Variants in TOPAZ1 observed in about 807,000 individuals in gnomAD.
The protein encoded by TOPAZ1 is testis and ovary specific TOPAZ 1.
TOPAZ1 carries 66 observed loss-of-function variants against 172.2 expected under a neutral mutation model. That is an observed-to-expected ratio of 0.38 (90% CI 0.31 to 0.47). The LOEUF (loss-of-function observed/expected upper bound fraction) is 0.47. TOPAZ1 is among the 20% of genes least tolerant of loss of function. The pLI, the probability that TOPAZ1 is intolerant of heterozygous loss-of-function variation, is 0.99. For missense variants in TOPAZ1, 1,822 were observed against 1,972.4 expected (o/e 0.92, Z 1.44); for synonymous variants, 681 against 683.9 (o/e 1.00, Z 0.07).
chr3:44,243,570 A>G lies in TOPAZ1; in HGVS notation c.1064A>G (p.Lys355Arg). ...TEMNFSNEYNKSELMLQENQM... is the reference protein window; with the variant it reads ...TEMNFSNEYNRSELMLQENQM... ...ATGAACTTCTCTAATGAGTATAACA[A>G]GTCTGAGTTGATGTTGCAAGAAAAT... The change falls in exon 2 of 20, where the codon AAG becomes AGG. Residue 355 changes from lysine to arginine, a missense_variant. Lys to Arg is a conservative substitution (Grantham distance 26). Transcript: ENST00000309765. 1 of 1,551,228 alleles carries G rather than the reference A, an allele frequency of 6.4e-7. No individual in the cohort carries two copies. Among genetic ancestry groups the G allele is most frequent in the Non-Finnish European group, 8.7e-7 (1 of 1,146,972 alleles).
chr3:44,268,836 T>G (rs1246335044), intron 6 of TOPAZ1, among the ~76,000 whole-genome samples: 9 of 152,184 alleles, frequency 5.9e-5, no homozygotes, highest in Non-Finnish European at 1.3e-4. Context: ...GGGGACACAG[T>G]TCAGTCCATC....
intron 5 of TOPAZ1, among the ~76,000 whole-genome samples, chr3:44,264,382 T>C (rs1699806858): frequency 2.0e-5 from 3 of 152,280 alleles, no homozygotes; most frequent in African/African-American, 7.2e-5. Context: ...GCTTACACTG[T>C]ACTTTAGTCT....
At chr3:44,266,391 C>T (rs940010537) in intron 5 of TOPAZ1, among the ~76,000 whole-genome samples, 1 of 152,192 alleles carries the variant, frequency 6.6e-6, no homozygotes, top group Non-Finnish European at 1.5e-5. Context: ...CTATTTGGTA[C>T]AAGAAGCCTA....
intron 13 of TOPAZ1, among the ~76,000 whole-genome samples, chr3:44,304,850 T>C (rs1223824350): frequency 6.6e-6 from 1 of 152,194 alleles, no homozygotes; most frequent in Non-Finnish European, 1.5e-5. Flanking sequence ...CCATCTCCAC[T>C]GTCAGGTTCA....
In TOPAZ1 at chr3:44,242,061, G is replaced by T. The variant is rs771801860; in HGVS notation, c.8G>T (p.Arg3Leu). 38 of 1,544,390 alleles carry T rather than the reference G, an allele frequency of 2.5e-5. No homozygotes were observed. Among genetic ancestry groups the T allele is most frequent in the Non-Finnish European group, 2.6e-5 (30 of 1,146,216 alleles). MR[R>L]PPPLGPTTAS... is the part of the protein sequence containing the mutation. ...GGGCCGGCCCCGGGGCACATGCGAC[G>T]ACCTCCACCCCTGGGCCCCACGACG... Residue 3 changes from arginine to leucine, a missense_variant, in exon 1 of 20, where the codon CGA (arginine) becomes CTA (leucine). This residue lies in a region of TOPAZ1 where 1,489 missense variants were observed against 1,490.8 expected (regional missense o/e 1.00). Coordinates refer to ENST00000309765, the MANE Select transcript of TOPAZ1 (RefSeq NM_001145030.2).
At chr3:44,285,784 T>C (rs1436430983) in intron 9 of TOPAZ1, among the ~76,000 whole-genome samples, 1 of 150,914 alleles carries the variant, frequency 6.6e-6, no homozygotes, top group African/African-American at 2.4e-5. Context: ...TTGGCCAGGC[T>C]GGTCTCGAAC....
At position 44,245,051 on chromosome 3, in the gene TOPAZ1, G is replaced by C; in HGVS notation, c.2545G>C (p.Gly849Arg). 2.6e-6 allele frequency: 4 copies of C among 1,551,636 alleles called. No individual in the cohort carries two copies. The highest frequency in any genetic ancestry group is 3.5e-6 in the Non-Finnish European group (4 of 1,146,982). The change falls in exon 2 of 20, where the codon GGG (glycine) becomes CGG (arginine). Residue 849 changes from glycine to arginine, a missense_variant. By Grantham distance (125) the Gly-to-Arg change is moderately radical. Transcript: ENST00000309765. ...AATAACTAAGAATTTTTCAGAGGTA[G>C]GGTTTCCAGATATTCTTAAAGCATA... Reference protein sequence around the residue: ...RKITKNFSEVGFPDILKAYED... With the variant: ...RKITKNFSEVRFPDILKAYED...
intron 19 of TOPAZ1, among the ~76,000 whole-genome samples, chr3:44,329,827 G>A (rs910899329): frequency 2.2e-4 from 33 of 152,188 alleles, no homozygotes; most frequent in African/African-American, 7.7e-4. Flanking sequence ...AGGCATGCCT[G>A]CCCTTTGCTT....
intron 16 of TOPAZ1, among the ~76,000 whole-genome samples, chr3:44,316,001 G>A (rs529292289): frequency 3.0e-4 from 45 of 152,166 alleles, no homozygotes; most frequent in African/African-American, 1.0e-3. Flanking sequence ...TTGGGAGGCC[G>A]AGGCAGTTGG....
At chr3:44,270,849 A>G (rs1419721309) in intron 8 of TOPAZ1, 39 bp downstream of exon 8, 1 of 1,505,290 alleles carries the variant, frequency 6.6e-7, no homozygotes, top group Non-Finnish European at 8.9e-7. Context: ...GATTGTTTTA[A>G]TAACTATCTC....
At chr3:44,261,636 G>A (rs981062831) in intron 4 of TOPAZ1, among the ~76,000 whole-genome samples, 6 of 151,974 alleles carry the variant, frequency 3.9e-5, no homozygotes, top group Non-Finnish European at 5.9e-5. Context: ...TTGTCTATTC[G>A]CACTCTTTTT....
chr3:44,313,107 C>A (rs1700412750), intron 16 of TOPAZ1, among the ~76,000 whole-genome samples: 1 of 152,166 alleles, frequency 6.6e-6, no homozygotes, highest in Non-Finnish European at 1.5e-5. Context: ...TCTTTTGATC[C>A]ATGAATCCAC....
chr3:44,242,225 C>A lies in TOPAZ1; in HGVS notation c.172C>A (p.Pro58Thr), dbSNP rs1699488110. 3.2e-6 allele frequency: 5 copies of A among 1,546,712 alleles called. No homozygotes were observed. The highest frequency in any genetic ancestry group is 2.6e-6 in the Non-Finnish European group (3 of 1,145,608). ...QKRRMVARAT[P>T]GRGEVESDKS... ...GAGGAGAATGGTGGCCCGGGCCACC[C>A]CTGGGAGAGGCGAGGTGGAAAGTGA... is the stretch of plus-strand genomic sequence containing the variant. The change falls in exon 1 of 20, where the codon CCT becomes ACT. Residue 58 changes from proline (P) to threonine (T), a missense_variant. Pro to Thr is a conservative substitution (Grantham distance 38, BLOSUM62 -1). Transcript: ENST00000309765.
At chr3:44,330,414 G>C (rs1399994187) in intron 19 of TOPAZ1, among the ~76,000 whole-genome samples, 2 of 152,096 alleles carry the variant, frequency 1.3e-5, no homozygotes, top group Admixed American at 1.3e-4. Flanking sequence ...TTTCTCTATT[G>C]TCATTATCAT....
At chr3:44,285,311 A>T (rs1031022194) in intron 9 of TOPAZ1, among the ~76,000 whole-genome samples, 17 of 151,892 alleles carry the variant, frequency 1.1e-4, no homozygotes, top group African/African-American at 3.9e-4. Context: ...AAATAAATTT[A>T]AAAAATTAGC....
At chr3:44,292,674 T>A (rs543680887) in intron 12 of TOPAZ1, among the ~76,000 whole-genome samples, 1 of 152,218 alleles carries the variant, frequency 6.6e-6, no homozygotes, top group African/African-American at 2.4e-5. Context: ...TGTGTAATAG[T>A]TGTATATGTT....
chr3:44,296,847 C>CAAAAAAAAAAAAAAAAA (rs141080618), intron 12 of TOPAZ1, among the ~76,000 whole-genome samples: 2 of 104,762 alleles, frequency 1.9e-5, no homozygotes, highest in East Asian at 2.6e-4. Flanking sequence ...CAGAGAATAC[C>CAAAAAAAAAAAAAAAAA]AAAAAAAAAA....
At chr3:44,309,795 C>A in intron 15 of TOPAZ1, 30 bp from the exon 16 acceptor site, 3 of 1,390,174 alleles carry the variant, frequency 2.2e-6, no homozygotes, top group Non-Finnish European at 2.9e-6. Context: ...ATGATTGATA[C>A]CCAATTAGTG....
Position 44,258,580 on chromosome 3 carries a change from CT to C in TOPAZ1, c.2955+2313del, listed in dbSNP as rs969883346. On this transcript the variant is annotated intron_variant, in intron 4 of 19. Coordinates refer to ENST00000309765, the MANE Select transcript of TOPAZ1 (RefSeq NM_001145030.2). The stretch of plus-strand genomic sequence containing the variant: ...GTATGTAACCTCTTCAGATTGGTTT[CT>C]TTTTTTTTTTCCACCTGGATAATCC... Among the ~76,000 whole-genome samples the C allele has an allele frequency of 4.7e-3, 683 of 146,424 alleles. 10 individuals carry two copies. Among genetic ancestry groups the C allele is most frequent in the African/African-American group, 0.015 (623 of 40,254 alleles).
Sources: gnomAD v4.1 joint callset for allele counts (sites outside exome capture counted in the v4.1 genomes callset) on GRCh38, gnomAD v4.1.1 for gene constraint, gnomAD v4.1.1 regional missense constraint, MANE v1.5 for transcripts, NCBI Gene and HGNC (gene_info 2026-07-23, HGNC 2026-07-21) for gene names.